CTNNA3: variants seen among roughly 807,000 people sequenced by gnomAD.
The protein encoded by CTNNA3 is catenin alpha 3, also known as catenin alpha-3.
CTNNA3 carries 76 observed loss-of-function variants against 95.7 expected under a neutral mutation model. That is an observed-to-expected ratio of 0.79 (90% CI 0.66 to 0.96). The LOEUF (loss-of-function observed/expected upper bound fraction) is 0.96. Among genes scored for constraint, CTNNA3 ranks in the 40% least tolerant of loss-of-function variants. The pLI, the probability that CTNNA3 is intolerant of heterozygous loss-of-function variation, is 0.00. For missense variants in CTNNA3, 1,191 were observed against 1,089.8 expected (o/e 1.09, Z -1.31); for synonymous variants, 431 against 374.4 (o/e 1.15, Z -1.74).
intron 7 of CTNNA3, among the ~76,000 whole-genome samples, chr10:66,833,175 T>C (rs926402822): frequency 2.2e-4 from 34 of 152,222 alleles, no homozygotes; most frequent in African/African-American, 7.7e-4. Flanking sequence ...GTCTGAATCA[T>C]TGAAGAATCT....
intron 9 of CTNNA3, among the ~76,000 whole-genome samples, chr10:66,712,608 T>TCACACACACACACACACACACACACA (rs201322402): frequency 2.6e-4 from 39 of 151,620 alleles, no homozygotes; most frequent in African/African-American, 7.5e-4. Context: ...TCTCTCTCTC[T>TCACACACACACACACACACACACACA]CACACACACA....
At chr10:67,099,179 A>G (rs918738208) in intron 7 of CTNNA3, 20 of 151,836 alleles carry the variant, frequency 1.3e-4, no homozygotes, top group Non-Finnish European at 2.4e-4. Flanking sequence ...TTGATTATAC[A>G]ATTGTATTAT....
At chr10:66,534,660 T>A (rs1157032165) in intron 10 of CTNNA3, among the ~76,000 whole-genome samples, 1 of 150,014 alleles carries the variant, frequency 6.7e-6, no homozygotes, top group Non-Finnish European at 1.5e-5. Context: ...CTTTTTATTT[T>A]AATCAGTCAA....
At chr10:67,237,044 C>T (rs1394997277) in intron 5 of CTNNA3, among the ~76,000 whole-genome samples, 2 of 146,222 alleles carry the variant, frequency 1.4e-5, no homozygotes, top group East Asian at 2.1e-4. Flanking sequence ...ATGTTTACAG[C>T]AGGACAATTC....
At chr10:67,328,738 A>G (rs1841659509) in intron 5 of CTNNA3, among the ~76,000 whole-genome samples, 1 of 152,088 alleles carries the variant, frequency 6.6e-6, no homozygotes, top group Non-Finnish European at 1.5e-5. Context: ...TAGTGCCTTT[A>G]TCTCTGAAGA....
rs536188707 is a variant in CTNNA3, at chr10:67,562,123, T to G, written c.293-22454A>C. 1.3e-3 allele frequency among the ~76,000 whole-genome samples: 202 copies of G among 152,274 alleles called. 1 individual carries two copies. The highest frequency in any genetic ancestry group is 4.7e-3 in the African/African-American group (197 of 41,532). ...CAATCAATAGAAAAAGAGGGAATCC[T>G]CCCTAACTCATTTTATGAGGTCAGC... On this transcript the variant is annotated intron_variant, in intron 3 of 17. Transcript: ENST00000433211.
chr10:67,426,389 T>C (rs1384589033), intron 5 of CTNNA3, among the ~76,000 whole-genome samples: 2 of 152,088 alleles, frequency 1.3e-5, no homozygotes, highest in Non-Finnish European at 2.9e-5. Context: ...CAGTTCCTCA[T>C]GAACTGTAGA....
chr10:67,739,879 G>T (rs921199221), intron 1 of CTNNA3, among the ~76,000 whole-genome samples: 1 of 152,154 alleles, frequency 6.6e-6, no homozygotes, highest in East Asian at 1.9e-4. Flanking sequence ...AACAAAGCTG[G>T]AGGCATCGTG....
intron 7 of CTNNA3, among the ~76,000 whole-genome samples, chr10:67,140,633 C>T (rs1047463991): frequency 1.1e-4 from 16 of 152,126 alleles, no homozygotes; most frequent in Admixed American, 1.0e-3. Flanking sequence ...GAAAAGCAAA[C>T]ACGTTTATTT....
At chr10:67,687,015 G>T (rs1388137564) in intron 1 of CTNNA3, among the ~76,000 whole-genome samples, 1 of 152,268 alleles carries the variant, frequency 6.6e-6, no homozygotes, top group South Asian at 2.1e-4. Flanking sequence ...AACAAGAAAG[G>T]CATGTGAAAA....
At chr10:66,561,987 G>C (rs964367942) in intron 10 of CTNNA3, among the ~76,000 whole-genome samples, 6 of 152,064 alleles carry the variant, frequency 3.9e-5, no homozygotes, top group African/African-American at 1.2e-4. Context: ...ATGGCTCAGA[G>C]AAGAGAGAAG....
chr10:66,422,996 A>T (rs1180588583), intron 11 of CTNNA3, among the ~76,000 whole-genome samples: 1 of 151,744 alleles, frequency 6.6e-6, no homozygotes, highest in African/African-American at 2.4e-5. Flanking sequence ...GGCAGCTTTA[A>T]CTCCTTCAAT....
chr10:67,259,955 C>T (rs150502896), intron 5 of CTNNA3, among the ~76,000 whole-genome samples: 514 of 152,170 alleles, frequency 3.4e-3, no homozygotes, highest in Non-Finnish European at 5.2e-3. Flanking sequence ...ATTATCATAC[C>T]ATATATACTA....
intron 5 of CTNNA3, among the ~76,000 whole-genome samples, chr10:67,251,622 C>T (rs1295096023): frequency 6.6e-6 from 1 of 151,998 alleles, no homozygotes; most frequent in East Asian, 1.9e-4. Context: ...AGCTCAGAAC[C>T]AATGAGGAAG....
intron 1 of CTNNA3, among the ~76,000 whole-genome samples, chr10:67,658,107 C>T (rs937098033): frequency 6.6e-6 from 1 of 152,166 alleles, no homozygotes; most frequent in African/African-American, 2.4e-5. Flanking sequence ...ACTATTGGGC[C>T]TCAGTGATTA....
In CTNNA3 at chr10:66,070,894, T is replaced by C. The variant is rs145099426; in HGVS notation, c.1978-1405A>G. ...CTCAAATGGTGAATTACAACAGACA[T>C]TTACCTCTGACAAGATAAGAGCCAA... On this transcript the variant is annotated intron_variant, in intron 14 of 17. Transcript: ENST00000433211. Among the ~76,000 whole-genome samples the C allele has an allele frequency of 2.6e-3, 389 of 152,262 alleles. 6 individuals are homozygous for C. Among genetic ancestry groups the C allele is most frequent in the African/African-American group, 9.0e-3 (376 of 41,554 alleles).
At chr10:66,886,178 G>A (rs931186436) in intron 7 of CTNNA3, among the ~76,000 whole-genome samples, 10 of 152,122 alleles carry the variant, frequency 6.6e-5, no homozygotes, top group Non-Finnish European at 1.5e-4. Context: ...AAATAGGAGT[G>A]CCATAAATTT....
At chr10:66,045,100 T>C (rs970944269) in intron 15 of CTNNA3, among the ~76,000 whole-genome samples, 7 of 152,134 alleles carry the variant, frequency 4.6e-5, no homozygotes, top group African/African-American at 1.7e-4. Context: ...CCAGGGAAGA[T>C]TCAATGACAG....
In CTNNA3 at chr10:66,868,365, C is replaced by T. The variant is rs117231509; in HGVS notation, c.1048-92841G>A. Among the ~76,000 whole-genome samples the T allele has an allele frequency of 4.8e-3, 682 of 142,932 alleles. 36 individuals carry two copies. The East Asian group carries it at 0.12, about 25-fold the overall frequency. The allele number at this position is 142,932 out of a possible 152,430, so 93.8% of individuals were successfully genotyped here. Reference sequence around the variant, plus strand: ...GTGCAACAAGAGCAAAACTCTGTCGCAAAAATTAAAAAAAAAATAAAAAAA... The same window carrying T: ...GTGCAACAAGAGCAAAACTCTGTCGTAAAAATTAAAAAAAAAATAAAAAAA... On this transcript the variant is annotated intron_variant, in intron 7 of 17. Coordinates refer to ENST00000433211, the MANE Select transcript of CTNNA3 (RefSeq NM_013266.4).
Sources: allele counts gnomAD v4.1 joint callset (sites outside exome capture counted in the v4.1 genomes callset), GRCh38; gene constraint gnomAD v4.1.1; transcripts MANE v1.5; gene names NCBI Gene and HGNC (gene_info 2026-07-23, HGNC 2026-07-21).